The following MAPRE2 variants were observed in gnomAD, a reference collection of about 807,000 sequenced individuals.
MAPRE2 encodes the protein microtubule-associated protein RP/EB family member 2.
A neutral mutation model predicts 43.2 loss-of-function variants in MAPRE2; 13 were observed. The ratio of observed to expected loss-of-function variants is 0.30; its 90% CI spans 0.20 to 0.48. The LOEUF (loss-of-function observed/expected upper bound fraction) is 0.48. Ranked by LOEUF, MAPRE2 falls within the 20% of genes least tolerant of loss-of-function variation. The probability of loss-of-function intolerance (pLI) is 0.99; values close to 1 mark genes in which losing one functional copy is unlikely to be tolerated. For missense variants in MAPRE2, 161 were observed against 400.2 expected (o/e 0.40, Z 5.10); for synonymous variants, 135 against 148.8 (o/e 0.91, Z 0.68).
chr18:35,111,561 A>G (rs1015019821), intron 4 of MAPRE2, among the ~76,000 whole-genome samples: 5 of 152,174 alleles, frequency 3.3e-5, no homozygotes, highest in Admixed American at 2.0e-4. Flanking sequence ...AAGAGGGTTG[A>G]TGCTTGTGAG....
intron 2 of MAPRE2, among the ~76,000 whole-genome samples, chr18:35,017,101 A>T (rs904133474): frequency 3.3e-5 from 5 of 151,870 alleles, no homozygotes; most frequent in Non-Finnish European, 7.4e-5. Flanking sequence ...GTTGAAGATC[A>T]GGTGGCTGTG....
chr18:34,994,637 T>C (rs1180460220), intron 1 of MAPRE2, among the ~76,000 whole-genome samples: 1 of 152,222 alleles, frequency 6.6e-6, no homozygotes, highest in Non-Finnish European at 1.5e-5. Flanking sequence ...TCCCTAGATT[T>C]AATTCTATTG....
At chr18:35,005,375 C>G (rs1447132748) in intron 1 of MAPRE2, 2 of 549,066 alleles carry the variant, frequency 3.6e-6, no homozygotes, top group Non-Finnish European at 6.4e-6. Flanking sequence ...TGTATTTTTT[C>G]TTTAATTTTT....
intron 2 of MAPRE2, among the ~76,000 whole-genome samples, chr18:35,030,702 T>C (rs2097047409): frequency 6.6e-6 from 1 of 152,208 alleles, no homozygotes; most frequent in South Asian, 2.1e-4. Context: ...TGCAAATGCC[T>C]GGTTTCTAAC....
chr18:35,086,179 A>G (rs897345181), intron 2 of MAPRE2, among the ~76,000 whole-genome samples: 3 of 152,086 alleles, frequency 2.0e-5, no homozygotes, highest in African/African-American at 7.2e-5. Flanking sequence ...GCAGAACCCA[A>G]TCTGGCTTGA....
At chr18:34,981,344 C>T (rs2097016106) in intron 1 of MAPRE2, among the ~76,000 whole-genome samples, 1 of 151,470 alleles carries the variant, frequency 6.6e-6, no homozygotes, top group South Asian at 2.1e-4. Flanking sequence ...CACCACTGCA[C>T]TCCAGCCTGG....
In MAPRE2 at chr18:35,067,010, G is replaced by C. The variant is rs569832338; in HGVS notation, c.123-3185G>C. Among the ~76,000 whole-genome samples, 5 of 152,262 alleles carry C rather than the reference G, an allele frequency of 3.3e-5. No homozygotes were observed. The East Asian group carries it at 9.6e-4, about 29-fold the overall frequency. ...TTTAATGTGTTGTTATTTTATTTTA[G>C]GAAATGGTGAAAAATTTCTTGCCTT... On this transcript the variant is annotated intron_variant, in intron 1 of 6. Transcript: ENST00000300249.
chr18:35,048,418 A>G (rs1045262883), intron 1 of MAPRE2, among the ~76,000 whole-genome samples: 2 of 151,308 alleles, frequency 1.3e-5, no homozygotes, highest in East Asian at 1.9e-4. Context: ...TATACTATAT[A>G]TGTGTGTGTG....
intron 1 of MAPRE2, among the ~76,000 whole-genome samples, chr18:34,982,431 C>T (rs996515185): frequency 3.9e-5 from 6 of 152,126 alleles, no homozygotes; most frequent in African/African-American, 1.4e-4. Context: ...AGCACATTCC[C>T]ATCTCTTCTT....
chr18:35,003,821 T>C lies in MAPRE2; in HGVS notation c.-69-1671T>C, dbSNP rs546836830. ...AAACTGACATGGATGGGAACCAATA[T>C]TGTTAAAATCTGAATTTAGGTTTAT... On this transcript the variant is annotated intron_variant, in intron 1 of 7. Transcript: ENST00000413393. 3.2e-4 allele frequency among the ~76,000 whole-genome samples: 48 copies of C among 152,348 alleles called. 1 individual carries two copies. The South Asian group carries it at 4.1e-3, about 13-fold the overall frequency.
intron 1 of MAPRE2, among the ~76,000 whole-genome samples, chr18:34,997,591 G>A (rs1375526751): frequency 2.6e-5 from 4 of 152,114 alleles, no homozygotes; most frequent in African/African-American, 4.8e-5. Flanking sequence ...TGAGGCGGGC[G>A]GATCCCCTGA....
chr18:35,049,267 G>A (rs1355003229), intron 1 of MAPRE2, among the ~76,000 whole-genome samples: 3 of 152,100 alleles, frequency 2.0e-5, no homozygotes, highest in Non-Finnish European at 4.4e-5. Flanking sequence ...TCTTCATTTG[G>A]TGCTGTGCAA....
chr18:35,032,844 G>T (rs1194328880), intron 2 of MAPRE2, among the ~76,000 whole-genome samples: 1 of 152,026 alleles, frequency 6.6e-6, no homozygotes, highest in African/African-American at 2.4e-5. Context: ...CTCAAGAGGG[G>T]CCTGAAAGTA....
At chr18:34,984,169 A>G (rs574824973) in intron 1 of MAPRE2, among the ~76,000 whole-genome samples, 4 of 152,318 alleles carry the variant, frequency 2.6e-5, no homozygotes, top group Admixed American at 6.5e-5. Context: ...AAAGATTACC[A>G]TTAAGATTCT....
chr18:35,050,592 A>G (rs1011773152), intron 1 of MAPRE2, among the ~76,000 whole-genome samples: 6 of 152,192 alleles, frequency 3.9e-5, no homozygotes, highest in Non-Finnish European at 8.8e-5. Context: ...GATTATTTTA[A>G]AATATCCTCT....
intron 4 of MAPRE2, among the ~76,000 whole-genome samples, chr18:35,121,818 A>G (rs1191248105): frequency 6.6e-6 from 1 of 152,254 alleles, no homozygotes; most frequent in East Asian, 1.9e-4. Flanking sequence ...TTCAGTATCT[A>G]AAACCAGGAT....
intron 2 of MAPRE2, among the ~76,000 whole-genome samples, chr18:35,006,604 T>C (rs1251749149): frequency 1.3e-5 from 2 of 152,204 alleles, no homozygotes; most frequent in African/African-American, 2.4e-5. Flanking sequence ...TGTCTTGATA[T>C]TAAAATTTGC....
chr18:35,093,386 T>C (rs185788117), intron 2 of MAPRE2, among the ~76,000 whole-genome samples: 4 of 152,004 alleles, frequency 2.6e-5, no homozygotes, highest in Admixed American at 2.6e-4. Context: ...AAAATAGAAC[T>C]ACCGTATGAT....
intron 3 of MAPRE2, among the ~76,000 whole-genome samples, chr18:35,100,970 C>T (rs1908649730): frequency 6.6e-6 from 1 of 152,252 alleles, no homozygotes; most frequent in South Asian, 2.1e-4. Context: ...ACCCAGGAGG[C>T]GGAGGTTGCA....
Sources: allele counts gnomAD v4.1 joint callset (sites outside exome capture counted in the v4.1 genomes callset), GRCh38; gene constraint gnomAD v4.1.1; transcripts MANE v1.5; gene names NCBI Gene and HGNC (gene_info 2026-07-23, HGNC 2026-07-21).